The following FAM210A variants were observed in gnomAD, a reference collection of about 807,000 sequenced individuals.
The protein encoded by FAM210A is mitochondrial inner membrane scaffold 1.
Under a neutral mutation model 25.3 loss-of-function variants are expected in FAM210A, and 13 were observed. The ratio of observed to expected loss-of-function variants is 0.51; its 90% confidence interval spans 0.33 to 0.82. FAM210A has a LOEUF of 0.82. Ranked by LOEUF, FAM210A falls within the 40% of genes least tolerant of loss-of-function variation. The probability of loss-of-function intolerance (pLI) is 0.02; values close to 1 mark genes in which losing one functional copy is unlikely to be tolerated. For synonymous variants in FAM210A, 125 were observed against 118.7 expected (o/e 1.05, Z -0.35); for missense variants, 319 against 323.2 (o/e 0.99, Z 0.10).
intron 2 of FAM210A, among the ~76,000 whole-genome samples, chr18:13,676,814 T>C (rs1484096154): frequency 1.3e-5 from 2 of 152,150 alleles, no homozygotes; most frequent in South Asian, 2.1e-4. Context: ...GTTTGTCTGA[T>C]TGTTTCCTCA....
chr18:13,690,682 A>T (rs1301743911), intron 1 of FAM210A, among the ~76,000 whole-genome samples: 1 of 152,252 alleles, frequency 6.6e-6, no homozygotes, highest in Non-Finnish European at 1.5e-5. Flanking sequence ...ACAGACCTGC[A>T]GCTAAGGGTT....
chr18:13,685,910 T>TAC (rs1263754695), intron 1 of FAM210A, among the ~76,000 whole-genome samples: 6 of 152,244 alleles, frequency 3.9e-5, no homozygotes, highest in Non-Finnish European at 8.8e-5. Flanking sequence ...TAAGCTAAGT[T>TAC]ACCTCCTTAA....
chr18:13,673,953 C>T (rs12607111), intron 2 of FAM210A, among the ~76,000 whole-genome samples: 136 of 4,926 alleles, frequency 0.028, 28 homozygotes, highest in African/African-American at 0.072. Flanking sequence ...TCCTGAGCCC[C>T]GACTTCTTTA....
At chr18:13,709,587 T>G (rs2043806395) in intron 1 of FAM210A, among the ~76,000 whole-genome samples, 1 of 152,208 alleles carries the variant, frequency 6.6e-6, no homozygotes, top group Non-Finnish European at 1.5e-5. Flanking sequence ...CCTTGCTCTA[T>G]TGGTTTCATT....
intron 1 of FAM210A, among the ~76,000 whole-genome samples, chr18:13,722,237 C>T (rs573680271): frequency 1.3e-3 from 193 of 151,564 alleles, no homozygotes; most frequent in Non-Finnish European, 2.4e-3. Flanking sequence ...GCTTTGACTC[C>T]GCTGTCCCCC....
intron 1 of FAM210A, among the ~76,000 whole-genome samples, chr18:13,711,565 C>T (rs910411608): frequency 6.6e-6 from 1 of 152,178 alleles, no homozygotes; most frequent in Non-Finnish European, 1.5e-5. Context: ...TTGCATCCTA[C>T]TTGTTCAAAG....
chr18:13,706,833 T>C (rs552115079), intron 1 of FAM210A, among the ~76,000 whole-genome samples: 1 of 152,344 alleles, frequency 6.6e-6, no homozygotes, highest in African/African-American at 2.4e-5. Flanking sequence ...ATGTAGATTA[T>C]AAAAATTCCG....
intron 1 of FAM210A, among the ~76,000 whole-genome samples, chr18:13,707,471 C>T (rs941539116): frequency 2.0e-5 from 3 of 152,216 alleles, no homozygotes; most frequent in Non-Finnish European, 4.4e-5. Context: ...CTACTCAGTC[C>T]TTGTTCCTGC....
chr18:13,688,761 A>G (rs1027570782), intron 1 of FAM210A, among the ~76,000 whole-genome samples: 1 of 152,262 alleles, frequency 6.6e-6, no homozygotes, highest in Non-Finnish European at 1.5e-5. Context: ...GCACTGTATC[A>G]TGGCCTCTAG....
intron 1 of FAM210A, among the ~76,000 whole-genome samples, chr18:13,724,741 T>C (rs1401530479): frequency 2.0e-5 from 3 of 152,234 alleles, no homozygotes; most frequent in African/African-American, 7.2e-5. Context: ...CATAAACACA[T>C]AGTTAAGAGG....
Position 13,665,215 on chromosome 18 carries a change from A to G in FAM210A, c.*1265T>C, listed in dbSNP as rs1038599514. On this transcript the variant is annotated 3_prime_UTR_variant, in exon 4 of 4. Transcript: ENST00000651643. ...GCTAACATGGTGAAACTCCACCTCC[A>G]CTAAAAATACAAAAATTAGCTGAGT... is the stretch of plus-strand genomic sequence containing the variant. 6.6e-6 allele frequency: 1 copy of G among 151,930 alleles called. No individual in the cohort carries two copies. Among genetic ancestry groups the G allele is most frequent in the African/African-American group, 2.4e-5 (1 of 41,340 alleles). The allele number at this position is 151,930 out of a possible 1,614,324, so 9.4% of individuals were successfully genotyped here.
At chr18:13,725,303 A>G (rs1392956418) in intron 1 of FAM210A, among the ~76,000 whole-genome samples, 1 of 152,198 alleles carries the variant, frequency 6.6e-6, no homozygotes, top group African/African-American at 2.4e-5. Flanking sequence ...ATATAATAAC[A>G]AATACAAGCA....
chr18:13,712,904 C>T (rs1331844530), intron 1 of FAM210A, among the ~76,000 whole-genome samples: 1 of 152,146 alleles, frequency 6.6e-6, no homozygotes, highest in Non-Finnish European at 1.5e-5. Flanking sequence ...TAGCAGTGTG[C>T]TAACCTGAAA....
intron 1 of FAM210A, among the ~76,000 whole-genome samples, chr18:13,691,598 T>C (rs1311671889): frequency 6.6e-6 from 1 of 151,952 alleles, no homozygotes; most frequent in Non-Finnish European, 1.5e-5. Flanking sequence ...TGGGGGTCAA[T>C]ATTCAACATT....
chr18:13,693,167 C>T (rs1376810321), intron 1 of FAM210A, among the ~76,000 whole-genome samples: 3 of 152,094 alleles, frequency 2.0e-5, no homozygotes, highest in African/African-American at 4.8e-5. Flanking sequence ...ATAAATTCCT[C>T]GACACATACA....
At chr18:13,720,991 T>C (rs1018318031) in intron 1 of FAM210A, among the ~76,000 whole-genome samples, 7 of 152,204 alleles carry the variant, frequency 4.6e-5, no homozygotes, top group Non-Finnish European at 1.0e-4. Context: ...ACCAGTTGTG[T>C]TGGATTAGGG....
Position 13,681,610 on chromosome 18 carries a change from G to C in FAM210A, c.468C>G (p.Ala156=). Residue 156 remains alanine, a synonymous_variant, in exon 2 of 4, where the codon GCC becomes GCG. Coordinates refer to ENST00000651643, the MANE Select transcript of FAM210A (RefSeq NM_152352.4). ...GVWFGTFYYA[A]LKGVNVVPFL... is the part of the protein sequence containing the mutation. ...TCAACTAAGCAAAAACTTACTTCAAGGCTGCATAATAAAATGTTCCAAACC... is the reference window on the plus strand; with the variant it reads ...TCAACTAAGCAAAAACTTACTTCAACGCTGCATAATAAAATGTTCCAAACC... 1 of 1,596,840 alleles carries C rather than the reference G, an allele frequency of 6.3e-7. No individual in the cohort carries two copies. Among genetic ancestry groups the C allele is most frequent in the South Asian group, 1.1e-5 (1 of 87,558 alleles).
chr18:13,665,664 T>C lies in FAM210A; in HGVS notation c.*816A>G, dbSNP rs1204719510. ...ATGAGCTTGAGTTACTGCTGACAAA[T>C]ATTTGATTTTAACAATGAATTTAAG... On this transcript the variant is annotated 3_prime_UTR_variant, in exon 4 of 4. Coordinates refer to ENST00000651643, the MANE Select transcript of FAM210A (RefSeq NM_152352.4). The C allele has an allele frequency of 2.0e-5, 3 of 151,866 alleles. No homozygotes were observed. The highest frequency in any genetic ancestry group is 2.1e-4 in the South Asian group (1 of 4,818). The allele number at this position is 151,866 out of a possible 1,614,324, so 9.4% of individuals were successfully genotyped here.
At chr18:13,671,391 A>G (rs1416791459) in intron 3 of FAM210A, among the ~76,000 whole-genome samples, 1 of 152,200 alleles carries the variant, frequency 6.6e-6, no homozygotes, top group East Asian at 1.9e-4. Flanking sequence ...TATACTTAAA[A>G]TAATTATATC....
Sources: allele counts gnomAD v4.1 joint callset (sites outside exome capture counted in the v4.1 genomes callset), GRCh38; gene constraint gnomAD v4.1.1; transcripts MANE v1.5; gene names NCBI Gene and HGNC (gene_info 2026-07-23, HGNC 2026-07-21).